Variants in ATP1B1 observed in about 807,000 individuals in gnomAD.
The protein encoded by ATP1B1 is ATPase Na+/K+ transporting subunit beta 1.
A neutral mutation model predicts 39.6 loss-of-function variants in ATP1B1; 3 were observed. The ratio of observed to expected loss-of-function variants is 0.08; its 90% CI spans 0.03 to 0.20. The LOEUF is 0.20. Among genes scored for constraint, ATP1B1 ranks in the 10% least tolerant of loss-of-function variants. The pLI is 1.00. For synonymous variants in ATP1B1, 139 were observed against 135.0 expected (o/e 1.03, Z -0.20); for missense variants, 216 against 371.1 (o/e 0.58, Z 3.43).
At chr1:169,118,848 G>A (rs77517828) in intron 2 of ATP1B1, among the ~76,000 whole-genome samples, 417 of 152,242 alleles carry the variant, frequency 2.7e-3, no homozygotes, top group Non-Finnish European at 5.2e-3. Context: ...CTTCCTGGAG[G>A]TTTCCATGGG....
At chr1:169,130,225 CAGTG>C in intron 5 of ATP1B1, 135 bp downstream of exon 5, 4 of 741,002 alleles carry the variant, frequency 5.4e-6, no homozygotes, top group African/African-American at 1.8e-5. Context: ...GTATAAGTCT[CAGTG>C]AGATGAATTG....
At chr1:169,122,213 A>G (rs987621724) in intron 2 of ATP1B1, among the ~76,000 whole-genome samples, 2 of 152,074 alleles carry the variant, frequency 1.3e-5, no homozygotes, top group African/African-American at 2.4e-5. Flanking sequence ...CCGTCCCTCA[A>G]GGCTCCATTC....
At chr1:169,127,531 G>C in intron 4 of ATP1B1, 123 bp downstream of exon 4, 1 of 1,047,912 alleles carries the variant, frequency 9.5e-7, no homozygotes, top group East Asian at 2.9e-5. Flanking sequence ...AACGTAGCCA[G>C]TAGAGTAACA....
chr1:169,123,345 C>T (rs1658022275), intron 2 of ATP1B1, among the ~76,000 whole-genome samples: 1 of 150,760 alleles, frequency 6.6e-6, no homozygotes, highest in African/African-American at 2.4e-5. Context: ...TCTGAGACTG[C>T]ATGTTTGACA....
At chr1:169,120,562 A>G (rs944160265) in intron 2 of ATP1B1, among the ~76,000 whole-genome samples, 1 of 152,338 alleles carries the variant, frequency 6.6e-6, no homozygotes, top group Middle Eastern at 3.4e-3. Flanking sequence ...TGGGCAAGTC[A>G]CAGGGTTCTA....
chr1:169,127,255 C>T lies in ATP1B1; in HGVS notation c.414C>T (p.Asp138=), dbSNP rs759095132. ...DVPSEPKERG[D]FNHERGERKV... ...CCAGTGAACCGAAAGAACGAGGAGACTTTAATCATGAACGAGGAGAGCGAA... is the reference window on the plus strand; with the variant it reads ...CCAGTGAACCGAAAGAACGAGGAGATTTTAATCATGAACGAGGAGAGCGAA... The change falls in exon 4 of 6, where the codon GAC becomes GAT. Residue 138 remains aspartate, a synonymous_variant. Transcript: ENST00000367815. The T allele has an allele frequency of 8.7e-5, 139 of 1,593,846 alleles. No homozygotes were observed. Among genetic ancestry groups the T allele is most frequent in the Non-Finnish European group, 1.2e-4 (138 of 1,174,402 alleles).
intron 2 of ATP1B1, among the ~76,000 whole-genome samples, chr1:169,123,827 A>G (rs1411316612): frequency 1.3e-5 from 2 of 152,030 alleles, no homozygotes; most frequent in Non-Finnish European, 2.9e-5. Flanking sequence ...GAGTTTCACC[A>G]TGTTGGCCAG....
chr1:169,114,930 G>T (rs1055892629), intron 2 of ATP1B1, among the ~76,000 whole-genome samples: 3 of 151,844 alleles, frequency 2.0e-5, no homozygotes, highest in Non-Finnish European at 4.4e-5. Flanking sequence ...GGTGACTCAC[G>T]TCTGTAATCC....
intron 2 of ATP1B1, among the ~76,000 whole-genome samples, chr1:169,114,917 A>C (rs1124571): frequency 0.4 from 60,946 of 151,744 alleles, 14,349 homozygotes; most frequent in African/African-American, 0.66. Flanking sequence ...TGGGGCCAGG[A>C]GTGGTGACTC....
chr1:169,120,613 T>C (rs752510863), intron 2 of ATP1B1, among the ~76,000 whole-genome samples: 4 of 152,370 alleles, frequency 2.6e-5, no homozygotes, highest in Non-Finnish European at 5.9e-5. Context: ...CCCCTTGCTT[T>C]CTTGGTTTCA....
intron 1 of ATP1B1, among the ~76,000 whole-genome samples, chr1:169,107,496 T>C (rs1657623197): frequency 1.3e-5 from 2 of 152,190 alleles, no homozygotes; most frequent in Admixed American, 1.3e-4. Context: ...CCTGGAGTCA[T>C]CACCACCCAG....
chr1:169,111,323 T>C, intron 1 of ATP1B1, 47 bp from the exon 2 acceptor site: 1 of 1,605,670 alleles, frequency 6.2e-7, no homozygotes, highest in Non-Finnish European at 8.5e-7. Context: ...ACTTTCATTC[T>C]GAGCATATGA....
chr1:169,110,586 T>TTG, intron 1 of ATP1B1: 3 of 898,558 alleles, frequency 3.3e-6, no homozygotes, highest in Non-Finnish European at 2.9e-6. Flanking sequence ...TTTTTTTTTT[T>TTG]GCTTTTGCAG....
At chr1:169,128,543 A>G (rs908711916) in intron 4 of ATP1B1, among the ~76,000 whole-genome samples, 3 of 152,172 alleles carry the variant, frequency 2.0e-5, no homozygotes, top group Non-Finnish European at 4.4e-5. Flanking sequence ...AAATTAATGT[A>G]CCTCTCAAAA....
chr1:169,110,933 G>A (rs1193432283), intron 1 of ATP1B1, among the ~76,000 whole-genome samples: 3 of 152,160 alleles, frequency 2.0e-5, no homozygotes, highest in African/African-American at 7.2e-5. Flanking sequence ...GTATTTAAAT[G>A]TCAAGGGATA....
intron 3 of ATP1B1, among the ~76,000 whole-genome samples, chr1:169,125,911 G>A (rs1658075573): frequency 6.6e-6 from 1 of 152,108 alleles, no homozygotes; most frequent in African/African-American, 2.4e-5. Context: ...GGAGGTCGAG[G>A]CTGCAATAAG....
intron 2 of ATP1B1, among the ~76,000 whole-genome samples, chr1:169,124,406 A>G (rs1318901275): frequency 1.3e-5 from 2 of 152,234 alleles, no homozygotes; most frequent in African/African-American, 4.8e-5. Flanking sequence ...AATAAGGATT[A>G]TAAAAGAAGA....
chr1:169,107,473 C>G (rs891424174), intron 1 of ATP1B1, among the ~76,000 whole-genome samples: 1 of 152,150 alleles, frequency 6.6e-6, no homozygotes, highest in Non-Finnish European at 1.5e-5. Flanking sequence ...AAGGATTTCC[C>G]TCCATGACCT....
chr1:169,114,053 T>C (rs1446217524), intron 2 of ATP1B1, among the ~76,000 whole-genome samples: 1 of 151,232 alleles, frequency 6.6e-6, no homozygotes, highest in East Asian at 1.9e-4. Context: ...TGCCGAACCT[T>C]GATCAGGCCA....
Sources: gnomAD v4.1 joint callset for allele counts (sites outside exome capture counted in the v4.1 genomes callset) on GRCh38, gnomAD v4.1.1 for gene constraint, MANE v1.5 for transcripts, NCBI Gene and HGNC (gene_info 2026-07-23, HGNC 2026-07-21) for gene names.